The following FGF7 variants were observed in gnomAD, a reference collection of about 807,000 sequenced individuals.
FGF7 encodes the protein fibroblast growth factor 7.
In FGF7, 6 loss-of-function variants were observed where a neutral mutation model predicts 20.5. That is an observed-to-expected ratio of 0.29 (90% CI 0.16 to 0.58). The LOEUF (loss-of-function observed/expected upper bound fraction) is 0.58. FGF7 is among the 20% of genes least tolerant of loss of function. The probability of loss-of-function intolerance (pLI) is 0.90; values close to 1 mark genes in which losing one functional copy is unlikely to be tolerated. For missense variants in FGF7, 144 were observed against 228.8 expected, an observed-to-expected ratio of 0.63 and a Z score of 2.39; for synonymous variants, 64 against 74.7, an observed-to-expected ratio of 0.86 and a Z score of 0.74.
chr15:49,472,889 A>G (rs1270979014), intron 2 of FGF7, among the ~76,000 whole-genome samples: 2 of 148,990 alleles, frequency 1.3e-5, no homozygotes, highest in Non-Finnish European at 3.0e-5. Context: ...AATAAGAGAA[A>G]GGAGTATCTA....
chr15:49,427,196 T>C (rs1342296286), intron 2 of FGF7, among the ~76,000 whole-genome samples: 1 of 152,054 alleles, frequency 6.6e-6, no homozygotes, highest in Non-Finnish European at 1.5e-5. Context: ...AGCTGCTATA[T>C]TAGGAAATCT....
intron 2 of FGF7, among the ~76,000 whole-genome samples, chr15:49,467,612 T>C (rs1170645428): frequency 3.3e-5 from 5 of 152,164 alleles, no homozygotes; most frequent in Non-Finnish European, 5.9e-5. Context: ...GTTCTGGGAC[T>C]ATAATATCCA....
rs2052663085 is a variant in FGF7 at position 49,450,937 on chromosome 15, A to G, written c.286+26354A>G. 3.3e-5 allele frequency among the ~76,000 whole-genome samples: 5 copies of G among 152,148 alleles called. No homozygotes were observed. In the South Asian group the frequency reaches 1.0e-3, roughly 32 times the overall value. On this transcript the variant is annotated intron_variant, in intron 2 of 3. Transcript: ENST00000267843. Reference sequence around the variant, plus strand: ...AGATATAGTTAGTATAGCTACAGCTAATCAACTCCTTTGAATGCTCCTTCC... The same window carrying G: ...AGATATAGTTAGTATAGCTACAGCTGATCAACTCCTTTGAATGCTCCTTCC...
chr15:49,466,952 A>T lies in FGF7; in HGVS notation c.287-16199A>T, dbSNP rs192677330. Among the ~76,000 whole-genome samples, 266 of 152,312 alleles carry T rather than the reference A, an allele frequency of 1.7e-3. 2 individuals carry two copies. The highest frequency in any genetic ancestry group is 6.3e-3 in the African/African-American group (260 of 41,572). On this transcript the variant is annotated intron_variant, in intron 2 of 3. Transcript: ENST00000267843. ...GCATATGCTTTAAAAGTGCTAAGAA[A>T]GCCAATGACCAAAATGACTTTAAAT... is the stretch of plus-strand genomic sequence containing the variant.
intron 2 of FGF7, among the ~76,000 whole-genome samples, chr15:49,468,990 T>C (rs2151956471): frequency 1.3e-5 from 2 of 152,302 alleles, no homozygotes; most frequent in South Asian, 4.1e-4. Context: ...ATGTTTCAGG[T>C]TGACACCTTA....
chr15:49,476,232 G>GTTTTTTTTTTTTTTTTTTTTTTTT lies in FGF7; in HGVS notation c.287-6906_287-6905insTTTTTTTTTTTTTTTTTTTTTTTT. On this transcript the variant is annotated intron_variant, in intron 2 of 3. Transcript: ENST00000267843. The stretch of plus-strand genomic sequence containing the variant: ...TTGCTGTTTTGTTTTTTTGTTTTTG[G>GTTTTTTTTTTTTTTTTTTTTTTTT]TTTTTTTTTTTTTGCATTTGGCATA... Among the ~76,000 whole-genome samples, 63 of 57,434 alleles carry GTTTTTTTTTTTTTTTTTTTTTTTT rather than the reference G, an allele frequency of 1.1e-3. 12 individuals carry two copies. The highest frequency in any genetic ancestry group is 1.7e-3 in the Non-Finnish European group (48 of 27,456). 37.7% of individuals were successfully genotyped at this position (57,434 alleles called of 152,430 possible).
chr15:49,471,674 T>C (rs1167539242), intron 2 of FGF7, among the ~76,000 whole-genome samples: 2 of 152,040 alleles, frequency 1.3e-5, no homozygotes, highest in East Asian at 1.9e-4. Context: ...TCTGGTCTTT[T>C]TGAGAGTGAC....
intron 2 of FGF7, among the ~76,000 whole-genome samples, chr15:49,453,806 G>A (rs949546783): frequency 3.3e-5 from 5 of 151,974 alleles, no homozygotes; most frequent in Non-Finnish European, 5.9e-5. Flanking sequence ...ATTTCAGCAC[G>A]TTCCCAATTG....
At chr15:49,476,355 A>G (rs1375952402) in intron 2 of FGF7, among the ~76,000 whole-genome samples, 1 of 151,734 alleles carries the variant, frequency 6.6e-6, no homozygotes, top group Admixed American at 6.6e-5. Context: ...GGATATCATA[A>G]TTAAAGTAAT....
intron 2 of FGF7, among the ~76,000 whole-genome samples, chr15:49,451,627 T>G (rs2052752431): frequency 6.6e-6 from 1 of 152,148 alleles, no homozygotes; most frequent in Non-Finnish European, 1.5e-5. Context: ...TTGACCTTGA[T>G]AATTTCAGTA....
intron 2 of FGF7, among the ~76,000 whole-genome samples, chr15:49,450,023 G>C (rs1010839023): frequency 6.6e-6 from 1 of 152,058 alleles, no homozygotes; most frequent in Admixed American, 6.6e-5. Context: ...GGTTGCATGA[G>C]CCCGTAAGGA....
Position 49,461,430 on chromosome 15 carries a change from AAG to A in FGF7, c.287-21718_287-21717del, listed in dbSNP as rs202061190. ...CCTTGGCCATCATCCAAACTATAAA[AAG>A]AGGAGTGGCTTATCTGACATCATGT... On this transcript the variant is annotated intron_variant, in intron 2 of 3. Coordinates refer to ENST00000267843, the MANE Select transcript of FGF7 (RefSeq NM_002009.4). Among the ~76,000 whole-genome samples the A allele has an allele frequency of 8.8e-4, 134 of 152,322 alleles. 1 individual carries two copies. In the East Asian group the frequency reaches 0.025, roughly 28 times the overall value.
Position 49,462,206 on chromosome 15 carries a change from A to C in FGF7, c.287-20945A>C, listed in dbSNP as rs2053862574. On this transcript the variant is annotated intron_variant, in intron 2 of 3. Transcript: ENST00000267843. Reference sequence around the variant, plus strand: ...CTGGGATGACTTAGGAGGATCTGGGATGAAAAAAAGATTGATTATTGCTTT... The same window carrying C: ...CTGGGATGACTTAGGAGGATCTGGGCTGAAAAAAAGATTGATTATTGCTTT... 2.0e-5 allele frequency among the ~76,000 whole-genome samples: 3 copies of C among 152,162 alleles called. No homozygotes were observed. The South Asian group carries it at 6.2e-4, about 32-fold the overall frequency.
At chr15:49,473,617 C>T (rs190770655) in intron 2 of FGF7, among the ~76,000 whole-genome samples, 220 of 151,924 alleles carry the variant, frequency 1.4e-3, no homozygotes, top group African/African-American at 5.2e-3. Context: ...GACTCTCTAC[C>T]CCAGCAATAT....
At chr15:49,455,781 A>G (rs2053227734) in intron 2 of FGF7, among the ~76,000 whole-genome samples, 1 of 152,200 alleles carries the variant, frequency 6.6e-6, no homozygotes, top group African/African-American at 2.4e-5. Context: ...TATGGTCAAT[A>G]GAAGAAATTT....
chr15:49,423,572 GCT>G (rs1322867482), intron 1 of FGF7, 132 bp downstream of exon 1: 11 of 152,106 alleles, frequency 7.2e-5, no homozygotes, highest in Non-Finnish European at 1.2e-4. Context: ...TAGTAATTAT[GCT>G]GTAGAACATA....
At chr15:49,458,916 C>A (rs1353205674) in intron 2 of FGF7, among the ~76,000 whole-genome samples, 3 of 151,968 alleles carry the variant, frequency 2.0e-5, no homozygotes, top group African/African-American at 7.2e-5. Flanking sequence ...TTATTTTTTA[C>A]GAGACTAGTT....
chr15:49,467,809 A>G (rs2054397822), intron 2 of FGF7, among the ~76,000 whole-genome samples: 1 of 152,106 alleles, frequency 6.6e-6, no homozygotes, highest in South Asian at 2.1e-4. Context: ...CTCTGGCCCA[A>G]AGGAGAAAGG....
chr15:49,446,486 A>G (rs1172252504), intron 2 of FGF7, among the ~76,000 whole-genome samples: 1 of 151,584 alleles, frequency 6.6e-6, no homozygotes, highest in Non-Finnish European at 1.5e-5. Context: ...GAAAGAGAAT[A>G]TTTCTGGGTG....
Sources: allele counts gnomAD v4.1 joint callset (sites outside exome capture counted in the v4.1 genomes callset), GRCh38; gene constraint gnomAD v4.1.1; transcripts MANE v1.5; gene names NCBI Gene and HGNC (gene_info 2026-07-23, HGNC 2026-07-21).